The following ATP2A1 variants were observed in gnomAD, a reference collection of about 807,000 sequenced individuals.
ATP2A1 encodes sarcoplasmic/endoplasmic reticulum calcium ATPase 1.
In ATP2A1, 83 loss-of-function variants were observed where a neutral mutation model predicts 109.5. That is an observed-to-expected ratio of 0.76 (90% confidence interval 0.63 to 0.91). The LOEUF (loss-of-function observed/expected upper bound fraction) is 0.91. Ranked by LOEUF, ATP2A1 falls within the 40% of genes least tolerant of loss-of-function variation. ATP2A1 has a pLI of 0.00. For missense variants in ATP2A1, 1,101 were observed against 1,341.0 expected, an observed-to-expected ratio of 0.82 and a Z score of 2.80; for synonymous variants, 505 against 537.6, an observed-to-expected ratio of 0.94 and a Z score of 0.84.
At chr16:28,884,792 T>A in intron 6 of ATP2A1, 137 bp downstream of exon 6, 1 of 829,392 alleles carries the variant, frequency 1.2e-6, no homozygotes, top group South Asian at 1.8e-5. Context: ...CAAAAAAATT[T>A]TAAAAACTAG....
intron 4 of ATP2A1, among the ~76,000 whole-genome samples, chr16:28,882,046 C>T (rs1008281145): frequency 4.0e-5 from 6 of 149,288 alleles, no homozygotes; most frequent in East Asian, 2.0e-4. Flanking sequence ...TGGTGATTCT[C>T]GTGCCTCAGC....
At chr16:28,889,811 T>C (rs946863706) in intron 9 of ATP2A1, among the ~76,000 whole-genome samples, 4 of 152,302 alleles carry the variant, frequency 2.6e-5, no homozygotes, top group Middle Eastern at 3.4e-3. Context: ...CCCTTTGCAG[T>C]TGAGCTCTTG....
At chr16:28,899,624 G>C (rs1964010963) in intron 14 of ATP2A1, among the ~76,000 whole-genome samples, 2 of 130,734 alleles carry the variant, frequency 1.5e-5, no homozygotes, top group South Asian at 5.1e-4. Flanking sequence ...GGGCAACAGA[G>C]CGAGACTCCA....
Position 28,883,033 on chromosome 16 carries a change from G to T in ATP2A1, c.463+444G>T, listed in dbSNP as rs1488452937. Among the ~76,000 whole-genome samples, 1 of 152,224 alleles carries T rather than the reference G, an allele frequency of 6.6e-6. No individual in the cohort carries two copies. Among genetic ancestry groups the T allele is most frequent in the African/African-American group, 2.4e-5 (1 of 41,454 alleles). On this transcript the variant is annotated intron_variant, in intron 5 of 22. Coordinates refer to ENST00000395503, the MANE Select transcript of ATP2A1 (RefSeq NM_004320.6). The surrounding 1 kb of genome is among the most constrained non-coding windows in gnomAD (Gnocchi z 5.2). ...GCAGAAGGGAGGAGGGAGGCCGAAG[G>T]CTCGAGCCCCCGACCATGTAAGGGA... is the stretch of plus-strand genomic sequence containing the variant.
Position 28,904,316 on chromosome 16 carries a change from A to G in ATP2A1, c.*174A>G, listed in dbSNP as rs140984847. 472 of 1,599,096 alleles carry G rather than the reference A, an allele frequency of 3.0e-4. 5 individuals carry two copies. In the East Asian group the frequency reaches 0.01, roughly 34 times the overall value. On this transcript the variant is annotated 3_prime_UTR_variant, in exon 23 of 23. Transcript: ENST00000395503. ...ACCCGTGTCATGTGTCTGTTTATAAACATGTCCCCTTCCCTTTCCTTCCCC... is the reference window on the plus strand; with the variant it reads ...ACCCGTGTCATGTGTCTGTTTATAAGCATGTCCCCTTCCCTTTCCTTCCCC...
intron 22 of ATP2A1, 53 bp from the exon 23 acceptor site, chr16:28,904,125 AGG>A (rs1364088725): frequency 3.3e-6 from 5 of 1,502,174 alleles, no homozygotes; most frequent in Non-Finnish European, 4.6e-6. Flanking sequence ...TGCACCTGGG[AGG>A]GACCTCGCTG....
At position 28,878,598 on chromosome 16, in the gene ATP2A1, C is replaced by G. The variant is rs1963342125; in HGVS notation, c.-74C>G. The G allele has an allele frequency of 7.8e-7, 1 of 1,274,064 alleles. No individual in the cohort carries two copies. 78.9% of individuals were successfully genotyped at this position (1,274,064 alleles called of 1,614,324 possible). On this transcript the variant is annotated 5_prime_UTR_variant, in exon 1 of 23. Coordinates refer to ENST00000395503, the MANE Select transcript of ATP2A1 (RefSeq NM_004320.6). Reference sequence around the variant, plus strand: ...CCAGGCAGACAGGCAGTTGGACACACTGAGGAAGACCCCCCACGAGTGGGA... The same window carrying G: ...CCAGGCAGACAGGCAGTTGGACACAGTGAGGAAGACCCCCCACGAGTGGGA...
chr16:28,879,874 C>G (rs970664588), intron 3 of ATP2A1: 2 of 592,808 alleles, frequency 3.4e-6, no homozygotes, highest in Non-Finnish European at 2.4e-6. Flanking sequence ...CACCCGAACT[C>G]CGGGCTCCGG....
At chr16:28,895,213 C>T (rs916101958) in intron 12 of ATP2A1, among the ~76,000 whole-genome samples, 3 of 152,238 alleles carry the variant, frequency 2.0e-5, no homozygotes, top group East Asian at 3.8e-4. Context: ...AAGCTGGACA[C>T]GGAAACCACA....
rs1963396830 is a variant in ATP2A1 at position 28,879,665 on chromosome 16, C to T, written c.219+82C>T. ...AATGCGGGGCTCGCAGTCACTGGAT[C>T]CTCCCGTCCGAGTCCCGAGCATCCC... is the stretch of plus-strand genomic sequence containing the variant. On this transcript the variant is annotated intron_variant, in intron 3 of 22. Coordinates refer to ENST00000395503, the MANE Select transcript of ATP2A1 (RefSeq NM_004320.6). The T allele has an allele frequency of 6.9e-6, 10 of 1,455,632 alleles. No homozygotes were observed. In the Admixed American group the frequency reaches 9.5e-5, roughly 14 times the overall value. The allele number at this position is 1,455,632 out of a possible 1,614,324, so 90.2% of individuals were successfully genotyped here. A position where few individuals can be genotyped will look rare whatever the true frequency, so the allele number is the denominator to read the frequency against.
At chr16:28,882,370 T>A in intron 4 of ATP2A1, 81 bp from the exon 5 acceptor site, 2 of 1,604,028 alleles carry the variant, frequency 1.2e-6, no homozygotes, top group Middle Eastern at 1.9e-4. Context: ...GGGGTTTTGT[T>A]GCCTCCCCCG....
intron 11 of ATP2A1, 42 bp from the exon 12 acceptor site, chr16:28,894,780 G>T (rs201081697): frequency 1.8e-4 from 289 of 1,609,440 alleles, no homozygotes; most frequent in Non-Finnish European, 2.3e-4. Flanking sequence ...ACAGGTAGGA[G>T]CCTGGGGCAC....
Position 28,887,566 on chromosome 16 carries a change from G to T in ATP2A1, c.772G>T (p.Glu258Ter), listed in dbSNP as rs778989971. Residue 258 changes from glutamate (E) to a stop codon, truncating the protein, a stop_gained, in exon 8 of 23, where the codon GAG (glutamate) becomes TAG (stop). Coordinates refer to ENST00000395503, the MANE Select transcript of ATP2A1 (RefSeq NM_004320.6). LOFTEE classifies it high-confidence loss of function. The stretch of plus-strand genomic sequence containing the variant: ...GCAGCAGAAGCTGGATGAGTTTGGG[G>T]AGCAGCTCTCCAAGGTCATCTCCCT... Reference protein sequence around the residue: ...PLQQKLDEFGEQLSKVISLIC... With the variant: ...PLQQKLDEFG 2 of 1,613,952 alleles carry T rather than the reference G, an allele frequency of 1.2e-6. No homozygotes were observed. Among genetic ancestry groups the T allele is most frequent in the Non-Finnish European group, 1.7e-6 (2 of 1,179,980 alleles).
chr16:28,896,052 C>G (rs1224988939), intron 12 of ATP2A1, among the ~76,000 whole-genome samples: 1 of 152,120 alleles, frequency 6.6e-6, no homozygotes, highest in African/African-American at 2.4e-5. Context: ...CCTTGAACTC[C>G]TGGGCTCAAA....
At chr16:28,888,217 G>C (rs1343741485) in intron 8 of ATP2A1, among the ~76,000 whole-genome samples, 1 of 151,834 alleles carries the variant, frequency 6.6e-6, no homozygotes, top group Non-Finnish European at 1.5e-5. Flanking sequence ...GTTTTCAGTA[G>C]AGATGGGGTT....
chr16:28,893,887 C>T (rs368177153), intron 9 of ATP2A1, among the ~76,000 whole-genome samples: 3 of 151,992 alleles, frequency 2.0e-5, no homozygotes, highest in African/African-American at 7.3e-5. Flanking sequence ...ACAGGTGATC[C>T]GCCCACCTCA....
At chr16:28,879,704 G>A in intron 3 of ATP2A1, 121 bp downstream of exon 3, 2 of 1,180,810 alleles carry the variant, frequency 1.7e-6, no homozygotes, top group Non-Finnish European at 1.2e-6. Flanking sequence ...GTACAGACGG[G>A]GCGGGCTGGC....
intron 1 of ATP2A1, 40 bp downstream of exon 1, chr16:28,878,829 T>G: frequency 6.3e-7 from 1 of 1,592,154 alleles, no homozygotes; most frequent in Non-Finnish European, 8.6e-7. Context: ...ATTAATGCCC[T>G]CCTGCACCCC....
In ATP2A1 at chr16:28,878,745, C is replaced by T. The variant is rs1261293939; in HGVS notation, c.74C>T (p.Thr25Ile). 1.2e-6 allele frequency: 2 copies of T among 1,613,734 alleles called. No homozygotes were observed. The highest frequency in any genetic ancestry group is 1.7e-6 in the Non-Finnish European group (2 of 1,179,842). ...YFGVSETTGL[T>I]PDQVKRNLEK... ...GGGGTGAGTGAGACCACGGGCCTCA[C>T]CCCGGACCAAGTTAAGCGGAATCTG... Residue 25 changes from threonine to isoleucine, a missense_variant, in exon 1 of 23, where the codon ACC becomes ATC. Physicochemically the swap from Thr to Ile is moderately conservative, Grantham distance 89. Coordinates refer to ENST00000395503, the MANE Select transcript of ATP2A1 (RefSeq NM_004320.6).
Sources: gnomAD v4.1 joint callset for allele counts (sites outside exome capture counted in the v4.1 genomes callset) on GRCh38, gnomAD v4.1.1 for gene constraint, Gnocchi (gnomAD v3.1) non-coding constraint, MANE v1.5 for transcripts, NCBI Gene and HGNC (gene_info 2026-07-23, HGNC 2026-07-21) for gene names.